The following DOCK6 variants were observed in gnomAD, a reference collection of about 807,000 sequenced individuals.
The protein encoded by DOCK6 is dedicator of cytokinesis 6.
In DOCK6, 167 loss-of-function variants were observed where a neutral mutation model predicts 230.3. The ratio of observed to expected loss-of-function variants is 0.73; its 90% CI spans 0.64 to 0.82. The LOEUF is 0.82. Ranked by LOEUF, DOCK6 falls within the 40% of genes least tolerant of loss-of-function variation. The probability of loss-of-function intolerance (pLI) is 0.00; values close to 1 mark genes in which losing one functional copy is unlikely to be tolerated. For missense variants in DOCK6, 2,598 were observed against 2,825.8 expected (o/e 0.92, Z 1.83); for synonymous variants, 1,148 against 1,185.0 (o/e 0.97, Z 0.64).
Position 11,262,488 on chromosome 19 carries a change from G to GCCGCCCCGGGCCCCGGCC in DOCK6, c.-49_-48insGGCCGGGGCCCGGGGCGG. ...CGCCCCGGGCCCCGGCCCCGCCGCC[G>GCCGCCCCGGGCCCCGGCC]CCGCCGCCTCCCGGTTCTGGGCAGC... On this transcript the variant is annotated 5_prime_UTR_variant, in exon 1 of 48. Coordinates refer to ENST00000294618, the MANE Select transcript of DOCK6 (RefSeq NM_020812.4). The GCCGCCCCGGGCCCCGGCC allele has an allele frequency of 9.3e-7, 1 of 1,070,306 alleles. No homozygotes were observed. Among genetic ancestry groups the GCCGCCCCGGGCCCCGGCC allele is most frequent in the Non-Finnish European group, 1.1e-6 (1 of 886,432 alleles). 66.3% of individuals were successfully genotyped at this position (1,070,306 alleles called of 1,614,324 possible).
At chr19:11,233,418 C>A (rs569639035) in intron 21 of DOCK6, 52 bp from the exon 22 acceptor site, 258 of 1,579,360 alleles carry the variant, frequency 1.6e-4, no homozygotes, top group Non-Finnish European at 2.1e-4. Context: ...TGTGATGCCT[C>A]CCAGTCCCTT....
At position 11,201,587 on chromosome 19, in the gene DOCK6, C is replaced by A. The variant is rs2079169077; in HGVS notation, c.5688+302G>T. Reference sequence around the variant, plus strand: ...GGTACCTGGGCCTCTTCCTGGGCCACACCTCTCCTCCCTGGGCCTTCCTAG... The same window carrying A: ...GGTACCTGGGCCTCTTCCTGGGCCAAACCTCTCCTCCCTGGGCCTTCCTAG... On this transcript the variant is annotated intron_variant, in intron 44 of 47. Transcript: ENST00000294618. The surrounding 1 kb of genome is among the most constrained non-coding windows in gnomAD (Gnocchi z 4.3). Among the ~76,000 whole-genome samples the A allele has an allele frequency of 6.6e-6, 1 of 151,496 alleles. No individual in the cohort carries two copies. Among genetic ancestry groups the A allele is most frequent in the Non-Finnish European group, 1.5e-5 (1 of 67,826 alleles).
Position 11,236,971 on chromosome 19 carries a change from G to A in DOCK6, c.2074-92C>T, listed in dbSNP as rs1453995449. On this transcript the variant is annotated intron_variant, in intron 18 of 47. Coordinates refer to ENST00000294618, the MANE Select transcript of DOCK6 (RefSeq NM_020812.4). The surrounding 1 kb of genome is among the most constrained non-coding windows in gnomAD (Gnocchi z 5.2). ...CCCAGCCATTGCGACACTGCAGCGT[G>A]AGTGTAGCCCGGTCTGGGGGTGCAG... 1.5e-6 allele frequency: 2 copies of A among 1,334,278 alleles called. No individual in the cohort carries two copies. Among genetic ancestry groups the A allele is most frequent in the African/African-American group, 2.9e-5 (2 of 68,870 alleles). 82.7% of individuals were successfully genotyped at this position (1,334,278 alleles called of 1,614,324 possible).
At chr19:11,199,611 C>G in intron 47 of DOCK6, 72 bp from the exon 48 acceptor site, 1 of 1,450,074 alleles carries the variant, frequency 6.9e-7, no homozygotes, top group African/African-American at 1.4e-5. Flanking sequence ...AGCCCACATC[C>G]TCTTCCTCCT....
chr19:11,207,738 G>C (rs1411041985), intron 39 of DOCK6, among the ~76,000 whole-genome samples: 4 of 151,544 alleles, frequency 2.6e-5, no homozygotes, highest in African/African-American at 9.7e-5. Flanking sequence ...GACCAGCCTG[G>C]GAAACATGGC....
In DOCK6 at chr19:11,208,899, C is replaced by G. The variant is rs747373262; in HGVS notation, c.4944+12G>C. 3.1e-6 allele frequency: 5 copies of G among 1,597,564 alleles called. No homozygotes were observed. Among genetic ancestry groups the G allele is most frequent in the Non-Finnish European group, 4.3e-6 (5 of 1,166,846 alleles). Reference sequence around the variant, plus strand: ...CGTGCCGTCCGCCACCTGCCAACCCCTGGCCACTCACCTGGAAGGAAACGC... The same window carrying G: ...CGTGCCGTCCGCCACCTGCCAACCCGTGGCCACTCACCTGGAAGGAAACGC... On this transcript the variant is annotated intron_variant, in intron 38 of 47. Coordinates refer to ENST00000294618, the MANE Select transcript of DOCK6 (RefSeq NM_020812.4).
chr19:11,238,234 C>G lies in DOCK6; in HGVS notation c.1714G>C (p.Val572Leu). The change falls in exon 15 of 48, where the codon GTG becomes CTG. Residue 572 changes from valine to leucine, a missense_variant. By Grantham distance (32) the Val-to-Leu change is conservative. Coordinates refer to ENST00000294618, the MANE Select transcript of DOCK6 (RefSeq NM_020812.4). ...TCGCCTGTCATGTACTGCACTCGCACAGCAAGGTTGCGCACGGAGCCCTGG... is the reference window on the plus strand; with the variant it reads ...TCGCCTGTCATGTACTGCACTCGCAGAGCAAGGTTGCGCACGGAGCCCTGG... ...SRQGSVRNLA[V>L]RVQYMTGEDP... is the part of the protein sequence containing the mutation. The G allele has an allele frequency of 6.2e-7, 1 of 1,613,578 alleles. No homozygotes were observed. The highest frequency in any genetic ancestry group is 1.1e-5 in the South Asian group (1 of 91,082).
chr19:11,204,420 G>A, intron 39 of DOCK6, 89 bp from the exon 40 acceptor site: 7 of 1,525,806 alleles, frequency 4.6e-6, no homozygotes, highest in Non-Finnish European at 6.2e-6. Context: ...GAGCCTCCGT[G>A]CTCCTACCCA....
At chr19:11,245,206 C>T (rs571402830) in intron 9 of DOCK6, among the ~76,000 whole-genome samples, 8 of 152,308 alleles carry the variant, frequency 5.3e-5, no homozygotes, top group African/African-American at 1.7e-4. Context: ...TTTGACCTCC[C>T]TCCCAGAAAC....
chr19:11,200,762 G>C lies in DOCK6; in HGVS notation c.5893C>G (p.Arg1965Gly). The part of the protein sequence containing the change: ...AEIPEDPKLF[R>G]HHNKLRLCFK... Reference sequence around the variant, plus strand: ...CAGAGCCGCAATTTGTTGTGATGCCGGAAGAGCTTGGGGTCTTCCGGGATC... The same window carrying C: ...CAGAGCCGCAATTTGTTGTGATGCCCGAAGAGCTTGGGGTCTTCCGGGATC... The change falls in exon 46 of 48, where the codon CGG becomes GGG. Residue 1965 changes from arginine to glycine, a missense_variant. Transcript: ENST00000294618. This position sits in a 1 kb window ranked among gnomAD's most constrained non-coding sequence, Gnocchi z 4.3. 1 of 1,613,662 alleles carries C rather than the reference G, an allele frequency of 6.2e-7. No individual in the cohort carries two copies. The highest frequency in any genetic ancestry group is 8.5e-7 in the Non-Finnish European group (1 of 1,179,696).
chr19:11,217,444 CCT>C lies in DOCK6; in HGVS notation c.3551-55_3551-54del, dbSNP rs1207580075. 1.2e-5 allele frequency: 19 copies of C among 1,572,258 alleles called. No individual in the cohort carries two copies. The African/African-American group carries it at 2.0e-4, about 17-fold the overall frequency. The stretch of plus-strand genomic sequence containing the variant: ...AGATAAACCCTTGGTAAGTGCTGTC[CCT>C]GTCTCAAATTTCAGAAGTCTTCCCT... On this transcript the variant is annotated intron_variant, in intron 28 of 47. Coordinates refer to ENST00000294618, the MANE Select transcript of DOCK6 (RefSeq NM_020812.4).
At chr19:11,241,915 C>T in intron 14 of DOCK6, 130 bp downstream of exon 14, 1 of 1,318,516 alleles carries the variant, frequency 7.6e-7, no homozygotes, top group Non-Finnish European at 1.0e-6. Flanking sequence ...CCTACACACC[C>T]CTCATTAAAG....
chr19:11,244,633 G>C (rs571262385), intron 9 of DOCK6, among the ~76,000 whole-genome samples: 1 of 151,752 alleles, frequency 6.6e-6, no homozygotes, highest in Non-Finnish European at 1.5e-5. Flanking sequence ...GCTAATTTTT[G>C]TATTTTTAGT....
chr19:11,219,851 T>C (rs1338771359), intron 28 of DOCK6, among the ~76,000 whole-genome samples: 2 of 152,046 alleles, frequency 1.3e-5, no homozygotes, highest in Non-Finnish European at 2.9e-5. Context: ...GTACTTTCAT[T>C]AGTCCCACTT....
Position 11,222,313 on chromosome 19 carries a change from A to T in DOCK6, c.3241-65T>A. 2 of 1,538,084 alleles carry T rather than the reference A, an allele frequency of 1.3e-6. No individual in the cohort carries two copies. The highest frequency in any genetic ancestry group is 2.4e-5 in the South Asian group (2 of 83,602). ...GGGTCAGAGGTGGCAGGTCACCATTAAAGCCATCTTGGAGGTGACAGAAAT... is the reference window on the plus strand; with the variant it reads ...GGGTCAGAGGTGGCAGGTCACCATTTAAGCCATCTTGGAGGTGACAGAAAT... On this transcript the variant is annotated intron_variant, in intron 26 of 47. Transcript: ENST00000294618. This position sits in a 1 kb window ranked among gnomAD's most constrained non-coding sequence, Gnocchi z 4.0.
chr19:11,209,219 A>T (rs973293449), intron 37 of DOCK6, 116 bp from the exon 38 acceptor site: 1 of 1,211,148 alleles, frequency 8.3e-7, no homozygotes, highest in Non-Finnish European at 1.2e-6. Context: ...AGGACCAGCC[A>T]ATCTCCTCAC....
In DOCK6 at chr19:11,213,254, G is replaced by A; in HGVS notation, c.4413C>T (p.Gly1471=). The change falls in exon 35 of 48, where the codon GGC becomes GGT. Residue 1471 remains glycine (G), a synonymous_variant. Transcript: ENST00000294618. The stretch of plus-strand genomic sequence containing the variant: ...GCGTGCGGATGGTGCTGATGCGGCT[G>A]CCACAGTGTCGTAGGAGCCTCAGGC... The part of the protein sequence containing the change: ...DLCLRLLRHC[G]SRISTIRTHA... The A allele has an allele frequency of 1.2e-6, 2 of 1,613,100 alleles. No homozygotes were observed. The highest frequency in any genetic ancestry group is 1.7e-6 in the Non-Finnish European group (2 of 1,179,884).
chr19:11,231,024 A>G (rs1177832152), intron 22 of DOCK6, among the ~76,000 whole-genome samples: 1 of 152,134 alleles, frequency 6.6e-6, no homozygotes, highest in Non-Finnish European at 1.5e-5. Flanking sequence ...TCCATTGAAA[A>G]GGCCCAGCCT....
At chr19:11,205,783 T>A (rs979782196) in intron 39 of DOCK6, 1 of 128,008 alleles carries the variant, frequency 7.8e-6, no homozygotes, top group Non-Finnish European at 1.7e-5. Context: ...CCCAGCTAAT[T>A]TTTTGTATTT....
Sources: allele counts gnomAD v4.1 joint callset (sites outside exome capture counted in the v4.1 genomes callset), GRCh38; gene constraint gnomAD v4.1.1; non-coding constraint Gnocchi (gnomAD v3.1); transcripts MANE v1.5; gene names NCBI Gene and HGNC (gene_info 2026-07-23, HGNC 2026-07-21).